TUBA3E: variants seen among roughly 807,000 people sequenced by gnomAD.
TUBA3E encodes the protein tubulin alpha-3E chain.
TUBA3E carries 21 observed loss-of-function variants against 36.7 expected under a neutral mutation model. The ratio of observed to expected loss-of-function variants is 0.57; its 90% confidence interval spans 0.41 to 0.83. The LOEUF (loss-of-function observed/expected upper bound fraction) is 0.83. TUBA3E is among the 40% of genes least tolerant of loss of function. The pLI, the probability that TUBA3E is intolerant of heterozygous loss-of-function variation, is 0.00. For synonymous variants in TUBA3E, 177 were observed against 241.9 expected, an observed-to-expected ratio of 0.73 and a Z score of 2.49; for missense variants, 469 against 604.2, an observed-to-expected ratio of 0.78 and a Z score of 2.35.
At position 130,196,340 on chromosome 2, in the gene TUBA3E, G is replaced by A. The variant is rs200497130; in HGVS notation, c.35C>T (p.Ala12Val). Reference protein sequence around the residue: ...RECISIHVGQAGVQIGNACWE... With the variant: ...RECISIHVGQVGVQIGNACWE... Reference sequence around the variant, plus strand: ...GCAGGCATTGCCGATCTGGACACCCGCCTGCCCCACGTGGATAGAGATACA... The same window carrying A: ...GCAGGCATTGCCGATCTGGACACCCACCTGCCCCACGTGGATAGAGATACA... Residue 12 changes from alanine to valine, a missense_variant, in exon 2 of 5, where the codon GCG becomes GTG. This residue lies in a region of TUBA3E where 169 missense variants were observed against 239.0 expected (regional missense o/e 0.71). Coordinates refer to ENST00000312988, the MANE Select transcript of TUBA3E (RefSeq NM_207312.3). 5.6e-6 allele frequency: 9 copies of A among 1,613,814 alleles called. No homozygotes were observed. Among genetic ancestry groups the A allele is most frequent in the African/African-American group, 4.0e-5 (3 of 74,940 alleles).
rs765534269 is a variant in TUBA3E, at chr2:130,197,514, GAA to G, written c.3+842_3+843del. 1.5e-3 allele frequency among the ~76,000 whole-genome samples: 176 copies of G among 117,062 alleles called. 48 individuals are homozygous for G. The East Asian group carries it at 0.043, about 28-fold the overall frequency. The allele number at this position is 117,062 out of a possible 152,430, so 76.8% of individuals were successfully genotyped here. ...TCTCAAAAAAAAAAAAAAAAGAAAA[GAA>G]AAGAAAAAAGAAAAAGAAAGGAAAA... is the stretch of plus-strand genomic sequence containing the variant. On this transcript the variant is annotated intron_variant, in intron 1 of 4. Transcript: ENST00000312988.
intron 1 of TUBA3E, among the ~76,000 whole-genome samples, chr2:130,196,888 C>T (rs1690420517): frequency 6.6e-6 from 1 of 152,172 alleles, no homozygotes; most frequent in Non-Finnish European, 1.5e-5. Context: ...CCCTTGAGAA[C>T]AGCATCAGAG....
At chr2:130,196,823 C>T (rs1690419006) in intron 1 of TUBA3E, among the ~76,000 whole-genome samples, 1 of 152,168 alleles carries the variant, frequency 6.6e-6, no homozygotes, top group African/African-American at 2.4e-5. Flanking sequence ...TCTCTCTGCC[C>T]CCCAGTTCTA....
At chr2:130,192,892 G>C (rs1389595204) in intron 4 of TUBA3E, among the ~76,000 whole-genome samples, 1 of 152,176 alleles carries the variant, frequency 6.6e-6, no homozygotes, top group Non-Finnish European at 1.5e-5. Context: ...CCAGGGGTTT[G>C]AGACCAGCCT....
chr2:130,194,232 C>T lies in TUBA3E; in HGVS notation c.610G>A (p.Val204Ile). 1 of 1,612,374 alleles carries T rather than the reference C, an allele frequency of 6.2e-7. No homozygotes were observed. The highest frequency in any genetic ancestry group is 8.5e-7 in the Non-Finnish European group (1 of 1,179,678). ...TLEHSDCAFMVDNEAIYDICR... is the reference protein window; with the variant it reads ...TLEHSDCAFMIDNEAIYDICR... ...ATGTCATAGATGGCTTCATTGTCGACCATGAAGGCACAGTCAGAATGTTCC... is the reference window on the plus strand; with the variant it reads ...ATGTCATAGATGGCTTCATTGTCGATCATGAAGGCACAGTCAGAATGTTCC... Residue 204 changes from valine (V) to isoleucine (I), a missense_variant, in exon 4 of 5, where the codon GTC (valine) becomes ATC (isoleucine). Coordinates refer to ENST00000312988, the MANE Select transcript of TUBA3E (RefSeq NM_207312.3).
chr2:130,195,093 G>C lies in TUBA3E; in HGVS notation c.361C>G (p.Arg121Gly). Residue 121 changes from arginine to glycine, a missense_variant, in exon 3 of 5, where the codon CGG becomes GGG. Physicochemically the swap from Arg to Gly is moderately radical, Grantham distance 125. Around this residue, in one of 3 missense-constraint regions of TUBA3E, gnomAD observed 169 missense variants for 239.0 expected, o/e 0.71. Transcript: ENST00000312988. ...TCTCTTCTTACCAGTTTGCGGATCC[G>C]GTCCAGGACTAGGTCAACAATCTCC... Reference protein sequence around the residue: ...GKEIVDLVLDRIRKLADLCTG... With the variant: ...GKEIVDLVLDGIRKLADLCTG... 4 of 1,612,780 alleles carry C rather than the reference G, an allele frequency of 2.5e-6. No individual in the cohort carries two copies. Among genetic ancestry groups the C allele is most frequent in the South Asian group, 1.1e-5 (1 of 90,896 alleles).
At chr2:130,197,105 C>T (rs142750166) in intron 1 of TUBA3E, among the ~76,000 whole-genome samples, 4,142 of 152,224 alleles carry the variant, frequency 0.027, 153 homozygotes, top group African/African-American at 0.087. Flanking sequence ...CTTGTAACCA[C>T]GCCCTCTCTC....
intron 4 of TUBA3E, among the ~76,000 whole-genome samples, chr2:130,193,150 G>C (rs1358927363): frequency 1.3e-5 from 2 of 151,960 alleles, no homozygotes; most frequent in African/African-American, 2.4e-5. Flanking sequence ...AGCTACTTGG[G>C]AGGCTGAGGT....
Position 130,195,169 on chromosome 2 carries a change from C to T in TUBA3E, c.285G>A (p.Gly95=), listed in dbSNP as rs775001454. Residue 95 remains glycine (G), a synonymous_variant, in exon 3 of 5, where the codon GGG becomes GGA. Coordinates refer to ENST00000312988, the MANE Select transcript of TUBA3E (RefSeq NM_207312.3). ...QLFHPEQLIT[G]KEDAASNYAR... The stretch of plus-strand genomic sequence containing the variant: ...CGTAATTACTGGCTGCATCTTCCTT[C>T]CCGGTGATCAGCTGCTCTGGGTGGA... 6.2e-7 allele frequency: 1 copy of T among 1,613,956 alleles called. No individual in the cohort carries two copies.
intron 4 of TUBA3E, 103 bp downstream of exon 4, chr2:130,193,683 C>T: frequency 7.0e-7 from 1 of 1,436,334 alleles, no homozygotes; most frequent in Non-Finnish European, 9.4e-7. Context: ...ATGCCTAGCC[C>T]ATGGAACAGG....
Position 130,194,008 on chromosome 2 carries a change from A to G in TUBA3E, c.834T>C (p.Ala278=), listed in dbSNP as rs1052312. The change falls in exon 4 of 5, where the codon GCT becomes GCC. Residue 278 remains alanine, a synonymous_variant. Transcript: ENST00000312988. ...ACAGCTGCTCGTGGTAGGCCTTCTC[A>G]GCTGAGATGACTGGGGCGTAGGTGG... ...PLATYAPVIS[A]EKAYHEQLSV... 0.4 allele frequency: 639,849 copies of G among 1,609,460 alleles called. 110,210 individuals carry two copies. The highest frequency in any genetic ancestry group is 0.58 in the African/African-American group (42,859 of 74,046).
Position 130,196,279 on chromosome 2 carries a change from G to C in TUBA3E, c.96C>G (p.Pro32=). ...TTTTATCACTTGGCATTTGACCATC[G>C]GGCTGAATTCCATGTTCAAGGCAGT... ...ELYCLEHGIQ[P]DGQMPSDKTI... is the part of the protein sequence containing the mutation. Residue 32 remains proline, a synonymous_variant, in exon 2 of 5, where the codon CCC becomes CCG. Transcript: ENST00000312988. 2 of 1,614,052 alleles carry C rather than the reference G, an allele frequency of 1.2e-6. No individual in the cohort carries two copies. Among genetic ancestry groups the C allele is most frequent in the Non-Finnish European group, 1.7e-6 (2 of 1,179,938 alleles).
chr2:130,196,574 T>C (rs1459875211), intron 1 of TUBA3E, among the ~76,000 whole-genome samples: 3 of 152,238 alleles, frequency 2.0e-5, no homozygotes, highest in African/African-American at 2.4e-5. Flanking sequence ...TAGTAAGTTC[T>C]AGAAGTAGCC....
At chr2:130,193,416 C>T (rs568122400) in intron 4 of TUBA3E, among the ~76,000 whole-genome samples, 2 of 151,760 alleles carry the variant, frequency 1.3e-5, no homozygotes, top group South Asian at 2.1e-4. Flanking sequence ...CAAGACCAAC[C>T]TGTCCAACAT....
chr2:130,198,397 G>C lies in TUBA3E; in HGVS notation c.-37C>G. On this transcript the variant is annotated 5_prime_UTR_variant, in exon 1 of 5. Coordinates refer to ENST00000312988, the MANE Select transcript of TUBA3E (RefSeq NM_207312.3). ...CTGCTTCAGCCCAACGCTACTTCCA[G>C]ACCTCAACCGGCTGCCACAGCTGCT... 7.4e-7 allele frequency: 1 copy of C among 1,355,968 alleles called. No individual in the cohort carries two copies. The allele number at this position is 1,355,968 out of a possible 1,614,324, so 84.0% of individuals were successfully genotyped here. A position where few individuals can be genotyped will look rare whatever the true frequency, so the allele number is the denominator to read the frequency against.
Position 130,196,383 on chromosome 2 carries a change from A to G in TUBA3E, c.4-12T>C. ...GAGATACACTCGCGCTGTGAACCGG[A>G]ACATAAATGTGAACCCATTCATTTC... On this transcript the variant is annotated splice_polypyrimidine_tract_variant and intron_variant, in intron 1 of 4. Transcript: ENST00000312988. 11 of 1,610,048 alleles carry G rather than the reference A, an allele frequency of 6.8e-6. No individual in the cohort carries two copies. The Middle Eastern group carries it at 5.0e-4, about 73-fold the overall frequency.
chr2:130,192,638 G>A (rs916236484), intron 4 of TUBA3E, among the ~76,000 whole-genome samples: 1 of 152,198 alleles, frequency 6.6e-6, no homozygotes, highest in Non-Finnish European at 1.5e-5. Context: ...AGCAGGAAGT[G>A]GTCGAAGTGG....
Position 130,193,959 on chromosome 2 carries a change from A to G in TUBA3E, c.883T>C (p.Cys295Arg). 9 of 1,614,204 alleles carry G rather than the reference A, an allele frequency of 5.6e-6. No individual in the cohort carries two copies. Among genetic ancestry groups the G allele is most frequent in the Non-Finnish European group, 7.6e-6 (9 of 1,180,046 alleles). ...QLSVAEITNA[C>R]FEPANQMVKC... ...ACCATCTGATTGGCTGGCTCGAAGC[A>G]GGCATTGGTGATCTCGGCCACAGAC... The change falls in exon 4 of 5, where the codon TGC (cysteine) becomes CGC (arginine). Residue 295 changes from cysteine (C) to arginine (R), a missense_variant. By Grantham distance (180) the Cys-to-Arg change is radical. Coordinates refer to ENST00000312988, the MANE Select transcript of TUBA3E (RefSeq NM_207312.3).
chr2:130,193,462 A>C (rs1690319755), intron 4 of TUBA3E, among the ~76,000 whole-genome samples: 1 of 151,536 alleles, frequency 6.6e-6, no homozygotes, highest in Non-Finnish European at 1.5e-5. Context: ...TACAAAAATT[A>C]GCCGGGCATG....
Sources: gnomAD v4.1 joint callset for allele counts (sites outside exome capture counted in the v4.1 genomes callset) on GRCh38, gnomAD v4.1.1 for gene constraint, gnomAD v4.1.1 regional missense constraint, MANE v1.5 for transcripts, NCBI Gene and HGNC (gene_info 2026-07-23, HGNC 2026-07-21) for gene names.